VPS35L: variants seen among roughly 807,000 people sequenced by gnomAD.
The protein encoded by VPS35L is VPS35 endosomal protein sorting factor like, also known as VPS35 endosomal protein-sorting factor-like.
VPS35L carries 83 observed loss-of-function variants against 133.0 expected under a neutral mutation model. That is an observed-to-expected ratio of 0.62 (90% CI 0.52 to 0.75). VPS35L has a LOEUF of 0.75. Ranked by LOEUF, VPS35L falls within the 30% of genes least tolerant of loss-of-function variation. The probability of loss-of-function intolerance (pLI) is 0.00; values close to 1 mark genes in which losing one functional copy is unlikely to be tolerated. For synonymous variants in VPS35L, 423 were observed against 449.9 expected, an observed-to-expected ratio of 0.94 and a Z score of 0.76; for missense variants, 1,083 against 1,206.8, an observed-to-expected ratio of 0.90 and a Z score of 1.52.
At position 19,569,581 on chromosome 16, in the gene VPS35L, C is replaced by A; in HGVS notation, c.275C>A (p.Ala92Glu). The A allele has an allele frequency of 6.4e-7, 1 of 1,550,454 alleles. No individual in the cohort carries two copies. The highest frequency in any genetic ancestry group is 1.2e-5 in the South Asian group (1 of 80,444). The change falls in exon 3 of 31, where the codon GCA becomes GAA. Residue 92 changes from alanine (A) to glutamate (E), a missense_variant. Coordinates refer to ENST00000417362, the MANE Select transcript of VPS35L (RefSeq NM_020314.7). ...FAATADPAAL[A>E]AAMDSSRRKR... is the part of the protein sequence containing the mutation. ...GCCACTGCTGACCCCGCAGCCTTGG[C>A]AGCTGCCATGGTAATGCACCCCAGC...
intron 27 of VPS35L, among the ~76,000 whole-genome samples, chr16:19,675,694 C>A (rs1035765590): frequency 6.6e-6 from 1 of 151,960 alleles, no homozygotes; most frequent in Admixed American, 6.6e-5. Context: ...GAATTACAGG[C>A]GTGTGCCACC....
At chr16:19,695,886 CTTTTA>C (rs369034543) in intron 29 of VPS35L, among the ~76,000 whole-genome samples, 4,095 of 151,814 alleles carry the variant, frequency 0.027, 177 homozygotes, top group African/African-American at 0.093. Context: ...TGTTATCCTT[CTTTTA>C]TTTTATTTTT....
chr16:19,668,496 T>A (rs16972299), intron 26 of VPS35L, among the ~76,000 whole-genome samples: 9,176 of 152,160 alleles, frequency 0.06, 522 homozygotes, highest in African/African-American at 0.14. Flanking sequence ...CCCTTTGAAG[T>A]CTTCTTGTTT....
chr16:19,615,998 T>TAATAATAATAATAATAATAA, intron 12 of VPS35L, 116 bp from the exon 13 acceptor site: 2 of 427,648 alleles, frequency 4.7e-6, no homozygotes, highest in African/African-American at 4.3e-5. Context: ...ATAATAATAA[T>TAATAATAATAATAATAATAA]TTTCTGGACT....
chr16:19,655,519 G>A (rs1974269183), intron 26 of VPS35L, among the ~76,000 whole-genome samples: 1 of 152,168 alleles, frequency 6.6e-6, no homozygotes, highest in African/African-American at 2.4e-5. Context: ...GGCCTTGGTT[G>A]TATCTTCTTT....
intron 26 of VPS35L, among the ~76,000 whole-genome samples, chr16:19,657,677 G>A (rs1190002675): frequency 6.6e-6 from 1 of 152,184 alleles, no homozygotes; most frequent in African/African-American, 2.4e-5. Context: ...GGAGCCCCTG[G>A]CTACCACAAA....
chr16:19,612,287 TC>T (rs1972749337), intron 12 of VPS35L, among the ~76,000 whole-genome samples: 1 of 151,018 alleles, frequency 6.6e-6, no homozygotes, highest in African/African-American at 2.4e-5. Context: ...AGAGTCTCAC[TC>T]TGTTGCCCAG....
intron 1 of VPS35L, among the ~76,000 whole-genome samples, chr16:19,559,005 C>T (rs771125309): frequency 6.6e-6 from 1 of 150,788 alleles, no homozygotes; most frequent in Non-Finnish European, 1.5e-5. Context: ...GTGAAGGGGG[C>T]TGGGTAATAT....
chr16:19,676,793 A>C (rs1975077865), intron 27 of VPS35L, among the ~76,000 whole-genome samples: 1 of 152,184 alleles, frequency 6.6e-6, no homozygotes, highest in Non-Finnish European at 1.5e-5. Flanking sequence ...GCATACCCCA[A>C]CTCAGGAGGA....
In VPS35L at chr16:19,647,039, A is replaced by G. The variant is rs181802991; in HGVS notation, c.1930-745A>G. On this transcript the variant is annotated intron_variant, in intron 23 of 30. Transcript: ENST00000417362. ...TAACCTTGAAATTCTGACTTGTTCA[A>G]TAGTGCGGGTTGATTAGTCTACCTG... Among the ~76,000 whole-genome samples, 219 of 152,354 alleles carry G rather than the reference A, an allele frequency of 1.4e-3. 3 individuals are homozygous for G. The highest frequency in any genetic ancestry group is 1.8e-3 in the Non-Finnish European group (122 of 68,040).
intron 27 of VPS35L, among the ~76,000 whole-genome samples, chr16:19,672,076 G>A (rs1974895193): frequency 6.6e-6 from 1 of 152,078 alleles, no homozygotes; most frequent in Non-Finnish European, 1.5e-5. Context: ...CTCCCAAGTA[G>A]CTGGGCCAAC....
chr16:19,591,536 C>A (rs1031731971), intron 7 of VPS35L, among the ~76,000 whole-genome samples: 2 of 149,398 alleles, frequency 1.3e-5, no homozygotes, highest in Non-Finnish European at 3.0e-5. Context: ...GGCAACATAG[C>A]GAGACCCCAT....
At chr16:19,690,953 C>T (rs1975650080) in intron 28 of VPS35L, among the ~76,000 whole-genome samples, 2 of 147,346 alleles carry the variant, frequency 1.4e-5, no homozygotes, top group Non-Finnish European at 3.0e-5. Context: ...CAGAGAGAGA[C>T]TCCGTCTCAA....
chr16:19,674,141 A>T lies in VPS35L; in HGVS notation c.2361+4842A>T, dbSNP rs561415051. 4.4e-5 allele frequency among the ~76,000 whole-genome samples: 6 copies of T among 135,582 alleles called. No individual in the cohort carries two copies. The South Asian group carries it at 1.5e-3, about 33-fold the overall frequency. 88.9% of individuals were successfully genotyped at this position (135,582 alleles called of 152,430 possible). On this transcript the variant is annotated intron_variant, in intron 27 of 30. Transcript: ENST00000417362. ...TATGAGTAGATCTAGCATTAACAAGACTCCCACATCTCACTTCTACCTGGT... is the reference window on the plus strand; with the variant it reads ...TATGAGTAGATCTAGCATTAACAAGTCTCCCACATCTCACTTCTACCTGGT...
intron 7 of VPS35L, among the ~76,000 whole-genome samples, chr16:19,584,325 T>C (rs1342427921): frequency 6.6e-6 from 1 of 152,138 alleles, no homozygotes; most frequent in East Asian, 1.9e-4. Context: ...CCACCCATAG[T>C]GTGTAAGAGT....
chr16:19,607,355 G>GA (rs1234988584), intron 9 of VPS35L, among the ~76,000 whole-genome samples: 1 of 152,196 alleles, frequency 6.6e-6, no homozygotes, highest in African/African-American at 2.4e-5. Context: ...TCAGTGAGCA[G>GA]AAAGAAGAAG....
chr16:19,594,643 T>TA (rs1972145223), intron 8 of VPS35L, among the ~76,000 whole-genome samples: 1 of 10,364 alleles, frequency 9.6e-5, no homozygotes, highest in Non-Finnish European at 1.9e-4. Context: ...AGATTTCGTC[T>TA]CAAAAAAAAA....
intron 3 of VPS35L, among the ~76,000 whole-genome samples, chr16:19,570,544 C>A (rs572372563): frequency 6.6e-6 from 1 of 152,090 alleles, no homozygotes; most frequent in Non-Finnish European, 1.5e-5. Flanking sequence ...GTGTCTTCTT[C>A]CATAGCTTTT....
At chr16:19,602,855 C>T (rs1474014594) in intron 9 of VPS35L, among the ~76,000 whole-genome samples, 1 of 151,914 alleles carries the variant, frequency 6.6e-6, no homozygotes. Flanking sequence ...TCATCCGCCT[C>T]GGCCTCCCAA....
Sources: allele counts gnomAD v4.1 joint callset (sites outside exome capture counted in the v4.1 genomes callset), GRCh38; gene constraint gnomAD v4.1.1; transcripts MANE v1.5; gene names NCBI Gene and HGNC (gene_info 2026-07-23, HGNC 2026-07-21).